RANBP2: variants seen among roughly 807,000 people sequenced by gnomAD.
The protein encoded by RANBP2 is E3 SUMO-protein ligase RanBP2.
RANBP2 carries 57 observed loss-of-function variants against 303.6 expected under a neutral mutation model. The ratio of observed to expected loss-of-function variants is 0.19; its 90% CI spans 0.15 to 0.23. RANBP2 has a LOEUF of 0.23. Ranked by LOEUF, RANBP2 falls within the 10% of genes least tolerant of loss-of-function variation. The probability of loss-of-function intolerance (pLI) is 1.00; values close to 1 mark genes in which losing one functional copy is unlikely to be tolerated. For synonymous variants in RANBP2, 1,167 were observed against 1,301.5 expected (o/e 0.90, Z 2.23); for missense variants, 3,138 against 3,780.8 (o/e 0.83, Z 4.46).
chr2:109,205,566 A>T, the RANBP2 span, among the ~76,000 whole-genome samples: 1 of 152,182 alleles, frequency 6.6e-6, no homozygotes, highest in Non-Finnish European at 1.5e-5. Context: ...GTGACTCTTT[A>T]TGCTCACACA....
At chr2:109,302,753 C>T in the RANBP2 span, among the ~76,000 whole-genome samples, 3 of 150,940 alleles carry the variant, frequency 2.0e-5, no homozygotes, top group African/African-American at 4.9e-5. Context: ...TTTTCAGACA[C>T]GACATTTCAC....
the RANBP2 span, among the ~76,000 whole-genome samples, chr2:108,846,057 T>G: frequency 6.6e-6 from 1 of 152,176 alleles, no homozygotes; most frequent in Non-Finnish European, 1.5e-5. Context: ...ACTATGACTT[T>G]TTAAATCAGA....
chr2:108,980,296 TC>T, the RANBP2 span, among the ~76,000 whole-genome samples: 1 of 152,020 alleles, frequency 6.6e-6, no homozygotes, highest in Non-Finnish European at 1.5e-5. Flanking sequence ...GTGAGTCACA[TC>T]CCGAAACCTC....
chr2:109,515,381 G>C, the RANBP2 span, among the ~76,000 whole-genome samples: 8,228 of 152,246 alleles, frequency 0.054, 657 homozygotes, highest in East Asian at 0.22. Flanking sequence ...TGGAGGGTCC[G>C]TGGGGGATGT....
At chr2:109,109,380 A>G in the RANBP2 span, among the ~76,000 whole-genome samples, 1 of 152,136 alleles carries the variant, frequency 6.6e-6, no homozygotes, top group African/African-American at 2.4e-5. Flanking sequence ...ACCTGGGGAG[A>G]CTCAGATACA....
At chr2:109,694,801 ATGTGTGTGTGTGTGTGTGTGTG>A in the RANBP2 span, among the ~76,000 whole-genome samples, 5 of 146,332 alleles carry the variant, frequency 3.4e-5, no homozygotes, top group East Asian at 1.0e-3. Flanking sequence ...ATCCATAGGG[ATGTGTGTGTGTGTGTGTGTGTG>A]TGTGTGTGTG....
At position 108,772,390 on chromosome 2, in the gene RANBP2, G is replaced by T. The variant is rs700876; in HGVS notation, c.8021-99G>T. ...AAGATATAAAATTGGCTGCAATTCAGATGTGGAGAGTGAGAAATGGTGAAG... is the reference window on the plus strand; with the variant it reads ...AAGATATAAAATTGGCTGCAATTCATATGTGGAGAGTGAGAAATGGTGAAG... On this transcript the variant is annotated intron_variant, in intron 21 of 28. Coordinates refer to ENST00000283195, the MANE Select transcript of RANBP2 (RefSeq NM_006267.5). The T allele has an allele frequency of 3.5e-5, 31 of 891,158 alleles. No individual in the cohort carries two copies. In the African/African-American group the frequency reaches 4.8e-4, roughly 14 times the overall value. The allele number at this position is 891,158 out of a possible 1,614,324, so 55.2% of individuals were successfully genotyped here.
the RANBP2 span, among the ~76,000 whole-genome samples, chr2:109,087,759 G>A: frequency 6.6e-6 from 1 of 152,170 alleles, no homozygotes; most frequent in African/African-American, 2.4e-5. Flanking sequence ...AGGTAGTGGA[G>A]GAAGCAGATG....
chr2:108,919,682 T>A, the RANBP2 span, among the ~76,000 whole-genome samples: 1 of 152,104 alleles, frequency 6.6e-6, no homozygotes, highest in Non-Finnish European at 1.5e-5. Context: ...AGGGAAGGAT[T>A]TCTGCTGCCC....
the RANBP2 span, among the ~76,000 whole-genome samples, chr2:109,687,669 T>C: frequency 1.3e-5 from 2 of 152,008 alleles, no homozygotes; most frequent in Non-Finnish European, 1.5e-5. Context: ...AGCGACTCTG[T>C]ACCATTCTTA....
chr2:109,644,940 C>T, the RANBP2 span, among the ~76,000 whole-genome samples: 4 of 152,176 alleles, frequency 2.6e-5, no homozygotes, highest in Admixed American at 1.3e-4. Context: ...ACTTTAGGGA[C>T]GTTTCCCTAG....
At chr2:109,203,695 C>A in the RANBP2 span, among the ~76,000 whole-genome samples, 4 of 152,134 alleles carry the variant, frequency 2.6e-5, no homozygotes, top group Admixed American at 2.6e-4. Context: ...GCACTTCCAC[C>A]CCCTGGGCCT....
chr2:109,490,650 A>G, the RANBP2 span: 1 of 1,504,652 alleles, frequency 6.6e-7, no homozygotes, highest in Non-Finnish European at 8.9e-7. Flanking sequence ...CGGAGCATCC[A>G]CCAAGAAGAA....
the RANBP2 span, chr2:109,545,388 A>C: frequency 6.5e-7 from 1 of 1,532,514 alleles, no homozygotes; most frequent in Non-Finnish European, 8.7e-7. Flanking sequence ...CACATACCCC[A>C]AACCTACACG....
At chr2:109,656,335 G>T in the RANBP2 span, among the ~76,000 whole-genome samples, 1 of 150,592 alleles carries the variant, frequency 6.6e-6, no homozygotes, top group African/African-American at 2.5e-5. Flanking sequence ...AAAATTCTGG[G>T]GTTTTTTTGT....
chr2:109,287,864 A>G, the RANBP2 span, among the ~76,000 whole-genome samples: 2 of 152,138 alleles, frequency 1.3e-5, no homozygotes, highest in Admixed American at 1.3e-4. Flanking sequence ...TCATAGTCCT[A>G]TAGTTTTTCT....
the RANBP2 span, among the ~76,000 whole-genome samples, chr2:109,159,647 C>A: frequency 1.3e-5 from 2 of 152,206 alleles, no homozygotes; most frequent in Admixed American, 1.3e-4. Context: ...GGTTGCACAG[C>A]AGGAGGTGAG....
chr2:109,200,453 G>A, the RANBP2 span, among the ~76,000 whole-genome samples: 8 of 152,116 alleles, frequency 5.3e-5, no homozygotes, highest in Admixed American at 1.3e-4. Flanking sequence ...CCCTGGGTAT[G>A]GCTGTGACCT....
the RANBP2 span, chr2:109,501,905 T>C: frequency 4.0e-6 from 2 of 495,606 alleles, no homozygotes; most frequent in South Asian, 3.3e-5. Flanking sequence ...CCACCCCCTC[T>C]GTGGAAACTG....
Sources: gnomAD v4.1 joint callset for allele counts (sites outside exome capture counted in the v4.1 genomes callset) on GRCh38, gnomAD v4.1.1 for gene constraint, MANE v1.5 for transcripts, NCBI Gene and HGNC (gene_info 2026-07-23, HGNC 2026-07-21) for gene names.